LRP1B: variants seen among roughly 807,000 people sequenced by gnomAD.
LRP1B encodes the protein low-density lipoprotein receptor-related protein 1B.
In LRP1B, 217 loss-of-function variants were observed where a neutral mutation model predicts 556.6. That is an observed-to-expected ratio of 0.39 (90% CI 0.35 to 0.44). The LOEUF (loss-of-function observed/expected upper bound fraction) is 0.44. Ranked by LOEUF, LRP1B falls within the 20% of genes least tolerant of loss-of-function variation. The probability of loss-of-function intolerance (pLI) is 1.00; values close to 1 mark genes in which losing one functional copy is unlikely to be tolerated. For missense variants in LRP1B, 5,053 were observed against 5,620.8 expected (o/e 0.90, Z 3.23); for synonymous variants, 2,047 against 1,865.8 (o/e 1.10, Z -2.50).
intron 41 of LRP1B, among the ~76,000 whole-genome samples, chr2:140,653,845 T>G (rs1234743813): frequency 1.3e-5 from 2 of 151,408 alleles, no homozygotes; most frequent in African/African-American, 2.4e-5. Context: ...GCTAACATGG[T>G]GATACCCTGT....
intron 3 of LRP1B, among the ~76,000 whole-genome samples, chr2:141,401,781 TG>T: frequency 6.6e-6 from 1 of 152,154 alleles, no homozygotes; most frequent in African/African-American, 2.4e-5. Context: ...TTTCATACAG[TG>T]GGGGGAAAAA....
At chr2:141,128,790 T>C (rs191766257) in intron 7 of LRP1B, among the ~76,000 whole-genome samples, 5 of 152,242 alleles carry the variant, frequency 3.3e-5, no homozygotes, top group Non-Finnish European at 7.4e-5. Context: ...TCAGCTAATA[T>C]AATGAAGATT....
At chr2:140,847,174 T>C (rs550820851) in intron 29 of LRP1B, among the ~76,000 whole-genome samples, 72 of 152,166 alleles carry the variant, frequency 4.7e-4, no homozygotes, top group Non-Finnish European at 9.1e-4. Flanking sequence ...AGCCAACTAA[T>C]CTGTCTCTCA....
At chr2:140,759,128 T>C (rs1418635764) in intron 35 of LRP1B, among the ~76,000 whole-genome samples, 1 of 152,178 alleles carries the variant, frequency 6.6e-6, no homozygotes, top group Non-Finnish European at 1.5e-5. Context: ...CTAATTCTGA[T>C]TCTTTTCACA....
Position 140,776,153 on chromosome 2 carries a change from C to G in LRP1B, c.5445G>C (p.Arg1815=), listed in dbSNP as rs1689490734. 6.3e-7 allele frequency: 1 copy of G among 1,593,942 alleles called. No homozygotes were observed. The highest frequency in any genetic ancestry group is 1.8e-5 in the Admixed American group (1 of 55,880). The stretch of plus-strand genomic sequence containing the variant: ...TATGAACTACCCCAGAAGTCTTATT[C>G]CGTAGGATGGTGGGGTTTCTTCCGT... ...KRDGRNPTIL[R]NKTSGVVHMK... The change falls in exon 33 of 91, where the codon CGG becomes CGC. Residue 1815 remains arginine (R), a synonymous_variant. Coordinates refer to ENST00000389484, the MANE Select transcript of LRP1B (RefSeq NM_018557.3).
At chr2:142,086,215 A>C (rs529013854) in intron 1 of LRP1B, among the ~76,000 whole-genome samples, 27 of 152,204 alleles carry the variant, frequency 1.8e-4, no homozygotes, top group Non-Finnish European at 3.1e-4. Context: ...TATCTCAAAA[A>C]GAGGCAAGTT....
intron 7 of LRP1B, among the ~76,000 whole-genome samples, chr2:141,172,539 T>A (rs1361195859): frequency 2.0e-5 from 3 of 152,072 alleles, no homozygotes; most frequent in African/African-American, 7.2e-5. Context: ...TTGCTTTTAA[T>A]CACAATCATA....
chr2:140,782,902 G>A lies in LRP1B; in HGVS notation c.5360-6664C>T, dbSNP rs183081331. On this transcript the variant is annotated intron_variant, in intron 32 of 90. Transcript: ENST00000389484. ...CTGTTAAAAATAAGCAAATGGAAAA[G>A]TGAAAGGTGGCCTTCCTGAAGGTCA... Among the ~76,000 whole-genome samples the A allele has an allele frequency of 9.5e-4, 144 of 152,208 alleles. No individual in the cohort carries two copies. The Middle Eastern group carries it at 0.027, about 29-fold the overall frequency.
At position 141,532,502 on chromosome 2, in the gene LRP1B, A is replaced by G. The variant is rs1379426581; in HGVS notation, c.206-51969T>C. Among the ~76,000 whole-genome samples, 7 of 144,900 alleles carry G rather than the reference A, an allele frequency of 4.8e-5. No homozygotes were observed. In the East Asian group the frequency reaches 1.4e-3, roughly 29 times the overall value. On this transcript the variant is annotated intron_variant, in intron 2 of 90. Coordinates refer to ENST00000389484, the MANE Select transcript of LRP1B (RefSeq NM_018557.3). ...TGATTATAACGACTCACTCAAAGTC[A>G]TTTTTATTTTTTTTTTCAGCATGGA... is the stretch of plus-strand genomic sequence containing the variant.
chr2:141,093,881 A>AT (rs779813635), intron 7 of LRP1B, among the ~76,000 whole-genome samples: 9 of 151,914 alleles, frequency 5.9e-5, no homozygotes, highest in South Asian at 2.1e-4. Context: ...TGCCTGGCTA[A>AT]TTTTTTTGTA....
chr2:141,724,467 TA>T (rs1395612581), intron 2 of LRP1B, among the ~76,000 whole-genome samples: 2 of 151,936 alleles, frequency 1.3e-5, no homozygotes, highest in Non-Finnish European at 2.9e-5. Context: ...CATTTCTTCG[TA>T]ATGCTATATT....
chr2:140,435,241 T>C (rs1281190892), intron 66 of LRP1B, among the ~76,000 whole-genome samples: 1 of 148,234 alleles, frequency 6.7e-6, no homozygotes, highest in African/African-American at 2.5e-5. Flanking sequence ...TTCTTACATA[T>C]TTTGTTTTTT....
intron 3 of LRP1B, among the ~76,000 whole-genome samples, chr2:141,271,679 C>A (rs1685095917): frequency 6.7e-6 from 1 of 150,180 alleles, no homozygotes; most frequent in Non-Finnish European, 1.5e-5. Flanking sequence ...ACTGAAAGAA[C>A]ATATTGTTAG....
chr2:140,574,346 G>T (rs1354911244), intron 43 of LRP1B, among the ~76,000 whole-genome samples: 1 of 152,122 alleles, frequency 6.6e-6, no homozygotes, highest in Non-Finnish European at 1.5e-5. Context: ...TTTGGTTTGT[G>T]ATTTAAACTT....
At chr2:140,411,675 A>T (rs903915067) in intron 66 of LRP1B, among the ~76,000 whole-genome samples, 1 of 152,096 alleles carries the variant, frequency 6.6e-6, no homozygotes, top group Non-Finnish European at 1.5e-5. Flanking sequence ...ATCCAGGCAG[A>T]CTTCTTTCTG....
intron 83 of LRP1B, among the ~76,000 whole-genome samples, chr2:140,303,723 T>A (rs932378189): frequency 1.3e-5 from 2 of 152,110 alleles, no homozygotes; most frequent in East Asian, 3.9e-4. Flanking sequence ...GTTTGTTACA[T>A]AGGTATACAT....
intron 2 of LRP1B, among the ~76,000 whole-genome samples, chr2:141,685,617 C>T (rs1415602583): frequency 1.3e-5 from 2 of 151,808 alleles, no homozygotes; most frequent in Non-Finnish European, 2.9e-5. Context: ...TAGGTGAGCC[C>T]AGTGTAATCA....
At position 141,837,835 on chromosome 2, in the gene LRP1B, A is replaced by C. The variant is rs183476209; in HGVS notation, c.83-27434T>G. The stretch of plus-strand genomic sequence containing the variant: ...TAAACTTCACCAACACATTAACCTA[A>C]ATGTTCTTCATTTAAAATGCAGCTA... On this transcript the variant is annotated intron_variant, in intron 1 of 90. Coordinates refer to ENST00000389484, the MANE Select transcript of LRP1B (RefSeq NM_018557.3). 1.3e-3 allele frequency among the ~76,000 whole-genome samples: 192 copies of C among 152,264 alleles called. 1 individual carries two copies. Among genetic ancestry groups the C allele is most frequent in the African/African-American group, 3.9e-3 (161 of 41,568 alleles).
intron 35 of LRP1B, among the ~76,000 whole-genome samples, chr2:140,761,064 T>C (rs1263280985): frequency 2.0e-5 from 3 of 152,204 alleles, no homozygotes; most frequent in South Asian, 2.1e-4. Flanking sequence ...CTTTGTTCTA[T>C]TCCATTTGTG....
Sources: allele counts gnomAD v4.1 joint callset (sites outside exome capture counted in the v4.1 genomes callset), GRCh38; gene constraint gnomAD v4.1.1; transcripts MANE v1.5; gene names NCBI Gene and HGNC (gene_info 2026-07-23, HGNC 2026-07-21).